The following ENKUR variants were observed in gnomAD, a reference collection of about 807,000 sequenced individuals.
The protein encoded by ENKUR is enkurin, TRPC channel interacting protein.
ENKUR carries 19 observed loss-of-function variants against 27.6 expected under a neutral mutation model. The ratio of observed to expected loss-of-function variants is 0.69; its 90% CI spans 0.48 to 1.01. The LOEUF (loss-of-function observed/expected upper bound fraction) is 1.01. Ranked by LOEUF, ENKUR falls within the 50% of genes least tolerant of loss-of-function variation. The pLI, the probability that ENKUR is intolerant of heterozygous loss-of-function variation, is 0.00. For missense variants in ENKUR, 312 were observed against 310.5 expected (o/e 1.00, Z -0.04); for synonymous variants, 117 against 96.9 (o/e 1.21, Z -1.22).
intron 2 of ENKUR, among the ~76,000 whole-genome samples, chr10:25,049,663 C>T (rs1336262041): frequency 6.6e-6 from 1 of 151,784 alleles, no homozygotes; most frequent in Non-Finnish European, 1.5e-5. Flanking sequence ...TGGCACATGC[C>T]TGTAATCTCA....
At chr10:25,018,433 A>T (rs1027387843), upstream of ENKUR, among the ~76,000 whole-genome samples, 19 of 152,358 alleles carry the variant, frequency 1.2e-4, no homozygotes, top group East Asian at 1.2e-3. Context: ...TTTTAGGCCA[A>T]GTGGTTATGT....
intron 2 of ENKUR, among the ~76,000 whole-genome samples, chr10:24,996,452 G>GTA (rs1274699344): frequency 6.9e-6 from 1 of 144,560 alleles, no homozygotes; most frequent in African/African-American, 2.8e-5. Context: ...GTGTGTGTGT[G>GTA]TGTGTATATA....
At chr10:25,021,365 TA>T (rs1403674463) in intron 2 of ENKUR, among the ~76,000 whole-genome samples, 2 of 152,200 alleles carry the variant, frequency 1.3e-5, no homozygotes, top group African/African-American at 4.8e-5. Flanking sequence ...TAATATAGCC[TA>T]AAAAACAACT....
chr10:25,011,770 T>G (rs1850449959), intron 1 of ENKUR, among the ~76,000 whole-genome samples: 1 of 152,148 alleles, frequency 6.6e-6, no homozygotes, highest in South Asian at 2.1e-4. Context: ...GCATAAAAGT[T>G]CAGAAAATTT....
At chr10:24,985,761 T>G (rs1849764016) in intron 4 of ENKUR, among the ~76,000 whole-genome samples, 1 of 152,230 alleles carries the variant, frequency 6.6e-6, no homozygotes. Flanking sequence ...CACTTTTTAA[T>G]TATTCATTAT....
At chr10:25,052,785 T>C (rs1351648393) in intron 2 of ENKUR, among the ~76,000 whole-genome samples, 1 of 151,990 alleles carries the variant, frequency 6.6e-6, no homozygotes, top group Non-Finnish European at 1.5e-5. Context: ...TTTTCTTTTT[T>C]CTTTTTTTTG....
chr10:24,986,920 A>G (rs1849792639), intron 4 of ENKUR, among the ~76,000 whole-genome samples: 1 of 152,248 alleles, frequency 6.6e-6, no homozygotes, highest in Non-Finnish European at 1.5e-5. Context: ...AAGCTGAAAT[A>G]ATATCGTTCA....
At chr10:24,987,107 T>C (rs2132666434) in intron 4 of ENKUR, among the ~76,000 whole-genome samples, 1 of 152,220 alleles carries the variant, frequency 6.6e-6, no homozygotes, top group South Asian at 2.1e-4. Context: ...GAGAGTGAGG[T>C]TGGGGCATTT....
In ENKUR at chr10:24,983,187, A is replaced by C. The variant is rs957523435; in HGVS notation, c.*1183T>G. 6.6e-6 allele frequency: 1 copy of C among 151,984 alleles called. No homozygotes were observed. Among genetic ancestry groups the C allele is most frequent in the African/African-American group, 2.4e-5 (1 of 41,372 alleles). The allele number at this position is 151,984 out of a possible 1,614,324, so 9.4% of individuals were successfully genotyped here. ...CACATTGCACAGTGATGTAAATGAA[A>C]AATGTATCTTTATCAGGAAACTGAG... On this transcript the variant is annotated 3_prime_UTR_variant, in exon 6 of 6. Transcript: ENST00000331161.
intron 1 of ENKUR, among the ~76,000 whole-genome samples, chr10:25,013,641 G>A (rs1850500824): frequency 6.6e-6 from 1 of 152,210 alleles, no homozygotes; most frequent in African/African-American, 2.4e-5. Context: ...AATAACTGCA[G>A]ACATCAATAA....
chr10:25,047,742 C>G (rs1851136474), intron 2 of ENKUR, among the ~76,000 whole-genome samples: 1 of 152,156 alleles, frequency 6.6e-6, no homozygotes, highest in Admixed American at 6.5e-5. Flanking sequence ...GACTTTTCCC[C>G]TTTCTTCTCA....
At chr10:25,029,613 C>T (rs1275197573) in intron 2 of ENKUR, among the ~76,000 whole-genome samples, 1 of 152,058 alleles carries the variant, frequency 6.6e-6, no homozygotes, top group Non-Finnish European at 1.5e-5. Context: ...GTTTTTGTCC[C>T]TATCCAGGAA....
rs186549944 is a variant in ENKUR at position 25,038,180 on chromosome 10, C to A, written c.37+22932G>T. On this transcript the variant is annotated intron_variant, in intron 2 of 5. Transcript: ENST00000615958. ...TTTTGTTTATTATAGGATAGGGTAT[C>A]ATAGGAAATGATGGTTTCCTTTTAA... Among the ~76,000 whole-genome samples the A allele has an allele frequency of 2.3e-3, 353 of 152,250 alleles. 1 individual carries two copies. The highest frequency in any genetic ancestry group is 6.8e-3 in the Middle Eastern group (2 of 294).
intron 4 of ENKUR, among the ~76,000 whole-genome samples, chr10:24,989,139 T>A (rs992977021): frequency 1.3e-5 from 2 of 152,180 alleles, no homozygotes; most frequent in African/African-American, 4.8e-5. Flanking sequence ...TGTAAAAACC[T>A]GGCTTTCACA....
intron 1 of ENKUR, among the ~76,000 whole-genome samples, chr10:25,012,530 G>T (rs979374785): frequency 5.3e-5 from 8 of 152,226 alleles, no homozygotes; most frequent in African/African-American, 1.9e-4. Context: ...GCGTGACCTG[G>T]ATGTGAGACA....
rs1198363004 is a variant in ENKUR at position 24,982,600 on chromosome 10, C to T, written c.*1770G>A. ...AAGAGAGAGAGAATCTGATCAGTCACTGGTCAGCTGTCCAAGTCAGATGTT... is the reference window on the plus strand; with the variant it reads ...AAGAGAGAGAGAATCTGATCAGTCATTGGTCAGCTGTCCAAGTCAGATGTT... On this transcript the variant is annotated 3_prime_UTR_variant, in exon 6 of 6. Coordinates refer to ENST00000331161, the MANE Select transcript of ENKUR (RefSeq NM_145010.4). 6.6e-6 allele frequency: 1 copy of T among 152,208 alleles called. No individual in the cohort carries two copies. The highest frequency in any genetic ancestry group is 1.9e-4 in the East Asian group (1 of 5,186). 9.4% of individuals were successfully genotyped at this position (152,208 alleles called of 1,614,324 possible). A position where few individuals can be genotyped will look rare whatever the true frequency, so the allele number is the denominator to read the frequency against.
Position 24,984,348 on chromosome 10 carries a change from T to TTTCA in ENKUR, c.*18_*21dup. 1 of 1,596,172 alleles carries TTTCA rather than the reference T, an allele frequency of 6.3e-7. No homozygotes were observed. Among genetic ancestry groups the TTTCA allele is most frequent in the East Asian group, 2.2e-5 (1 of 44,674 alleles). On this transcript the variant is annotated 3_prime_UTR_variant, in exon 6 of 6. Transcript: ENST00000331161. ...TTTCCAGTTCAAAATACTTAACAGT[T>TTTCA]TTCAAAGTTGTGCTGTTGGTATCAT...
chr10:25,030,014 G>A (rs777458847), intron 2 of ENKUR, among the ~76,000 whole-genome samples: 1 of 152,078 alleles, frequency 6.6e-6, no homozygotes, highest in Non-Finnish European at 1.5e-5. Flanking sequence ...CATTTAATTG[G>A]TACTAACAAC....
intron 3 of ENKUR, 62 bp from the exon 4 acceptor site, chr10:24,990,671 G>T: frequency 1.4e-6 from 2 of 1,437,656 alleles, no homozygotes; most frequent in East Asian, 2.3e-5. Flanking sequence ...ATATGGGTAC[G>T]TATCAACTGA....
Sources: allele counts gnomAD v4.1 joint callset (sites outside exome capture counted in the v4.1 genomes callset), GRCh38; gene constraint gnomAD v4.1.1; transcripts MANE v1.5; gene names NCBI Gene and HGNC (gene_info 2026-07-23, HGNC 2026-07-21).